Variants in AQR observed in about 807,000 individuals in gnomAD.
AQR encodes the protein RNA helicase aquarius.
Under a neutral mutation model 180.5 loss-of-function variants are expected in AQR, and 61 were observed. The ratio of observed to expected loss-of-function variants is 0.34; its 90% CI spans 0.28 to 0.42. The LOEUF (loss-of-function observed/expected upper bound fraction) is 0.42. AQR is among the 10% of genes least tolerant of loss of function. The pLI, the probability that AQR is intolerant of heterozygous loss-of-function variation, is 1.00. For missense variants in AQR, 1,281 were observed against 1,798.3 expected (o/e 0.71, Z 5.20); for synonymous variants, 551 against 588.8 (o/e 0.94, Z 0.93).
chr15:34,864,913 T>C (rs1892720747), intron 32 of AQR, among the ~76,000 whole-genome samples: 2 of 152,176 alleles, frequency 1.3e-5, no homozygotes, highest in Admixed American at 6.5e-5. Flanking sequence ...GACCCTAAAG[T>C]CCACAAGGGC....
intron 5 of AQR, among the ~76,000 whole-genome samples, chr15:34,947,551 A>T (rs1201255382): frequency 1.4e-5 from 2 of 147,336 alleles, no homozygotes; most frequent in Admixed American, 1.3e-4. Context: ...ATAAATAAAA[A>T]TAAAAATAAG....
rs568841982 is a variant in AQR, at chr15:34,887,416, T to G, written c.2682-755A>C. On this transcript the variant is annotated intron_variant, in intron 24 of 34. Transcript: ENST00000156471. ...TAAAAGTAGATTAGATCTAAAGGCT[T>G]TGAAAAGTAATTTTTAAATGTTTTT... is the stretch of plus-strand genomic sequence containing the variant. Among the ~76,000 whole-genome samples the G allele has an allele frequency of 2.0e-5, 3 of 152,326 alleles. No individual in the cohort carries two copies. The East Asian group carries it at 5.8e-4, about 29-fold the overall frequency.
intron 5 of AQR, among the ~76,000 whole-genome samples, chr15:34,946,894 T>G (rs2140500450): frequency 2.2e-5 from 3 of 136,440 alleles, no homozygotes; most frequent in African/African-American, 5.7e-5. Flanking sequence ...GTGGGGGGGG[T>G]CAGCCCCCCG....
chr15:34,931,791 G>A (rs981995599), intron 11 of AQR, among the ~76,000 whole-genome samples: 9 of 152,154 alleles, frequency 5.9e-5, no homozygotes, highest in African/African-American at 2.2e-4. Flanking sequence ...TCCAGCCCGG[G>A]TGACAGAGCG....
chr15:34,880,168 T>TC (rs1435635944), intron 27 of AQR, among the ~76,000 whole-genome samples: 2 of 152,196 alleles, frequency 1.3e-5, no homozygotes, highest in Non-Finnish European at 2.9e-5. Context: ...AAAAATTATT[T>TC]CCAATCTAGA....
intron 34 of AQR, among the ~76,000 whole-genome samples, chr15:34,857,814 C>T (rs995538819): frequency 6.6e-6 from 1 of 152,052 alleles, no homozygotes; most frequent in African/African-American, 2.4e-5. Context: ...GGCCTTAAGG[C>T]AAAGCCATGG....
chr15:34,914,230 A>G (rs1292253486), intron 16 of AQR, among the ~76,000 whole-genome samples: 1 of 152,228 alleles, frequency 6.6e-6, no homozygotes. Flanking sequence ...TACATCCATC[A>G]ATTTCATACT....
chr15:34,898,196 AG>A (rs1893277432), intron 20 of AQR, among the ~76,000 whole-genome samples: 1 of 152,198 alleles, frequency 6.6e-6, no homozygotes, highest in Non-Finnish European at 1.5e-5. Context: ...TTGTTATGAC[AG>A]GAACCTTATA....
In AQR at chr15:34,948,370, T is replaced by C. The variant is rs1220850334; in HGVS notation, c.224A>G (p.Asn75Ser). The C allele has an allele frequency of 1.2e-6, 2 of 1,612,628 alleles. No individual in the cohort carries two copies. Among genetic ancestry groups the C allele is most frequent in the Non-Finnish European group, 1.7e-6 (2 of 1,179,870 alleles). The change falls in exon 5 of 35, where the codon AAT becomes AGT. Residue 75 changes from asparagine (N) to serine (S), a missense_variant. Asn to Ser is a conservative substitution (Grantham distance 46). Around this residue, in one of 9 missense-constraint regions of AQR, gnomAD observed 404 missense variants for 490.9 expected, o/e 0.82. Transcript: ENST00000156471. ...AGGAGAATAATTCATCCAGAGATAA[T>C]TTTCAAGATACTGGCTGTAAAGAGT... ...MLLEFSQYLE[N>S]YLWMNYSPEV...
chr15:34,938,694 T>C, intron 9 of AQR, 43 bp downstream of exon 9: 3 of 1,218,296 alleles, frequency 2.5e-6, no homozygotes, highest in Non-Finnish European at 3.6e-6. Flanking sequence ...TAGGGGCAGC[T>C]ATATGATAAT....
At chr15:34,960,893 T>C in intron 2 of AQR, 79 bp from the exon 3 acceptor site, 1 of 518,054 alleles carries the variant, frequency 1.9e-6, no homozygotes, top group Middle Eastern at 4.4e-4. Context: ...ATGAGTGAGA[T>C]TATATAAAAT....
chr15:34,900,224 C>T (rs373678717), intron 20 of AQR, among the ~76,000 whole-genome samples: 28 of 151,992 alleles, frequency 1.8e-4, no homozygotes, highest in Admixed American at 1.0e-3. Flanking sequence ...TGTGAAAGCA[C>T]GCAAAGTTAA....
intron 15 of AQR, among the ~76,000 whole-genome samples, chr15:34,916,426 T>C (rs1043450125): frequency 4.5e-5 from 6 of 131,980 alleles, no homozygotes; most frequent in Admixed American, 8.0e-5. Flanking sequence ...AGTCTCATCA[T>C]TGTTGTCCAT....
At chr15:34,872,423 A>C (rs1892832323) in intron 30 of AQR, among the ~76,000 whole-genome samples, 2 of 152,144 alleles carry the variant, frequency 1.3e-5, no homozygotes, top group Non-Finnish European at 2.9e-5. Flanking sequence ...GTTAGGCTTA[A>C]TGAATAAGAA....
intron 10 of AQR, among the ~76,000 whole-genome samples, chr15:34,933,705 T>C (rs1033718103): frequency 6.6e-6 from 1 of 152,194 alleles, no homozygotes; most frequent in Non-Finnish European, 1.5e-5. Context: ...CAACAGCCCA[T>C]GATAGATGAG....
chr15:34,876,964 T>G (rs936970565), intron 27 of AQR, among the ~76,000 whole-genome samples: 1 of 152,204 alleles, frequency 6.6e-6, no homozygotes, highest in African/African-American at 2.4e-5. Flanking sequence ...AATCTAAAAC[T>G]GATCTCAAAG....
chr15:34,944,171 T>C, intron 6 of AQR, 117 bp downstream of exon 6: 1 of 967,042 alleles, frequency 1.0e-6, no homozygotes, highest in African/African-American at 1.7e-5. Flanking sequence ...TTTAGCATTA[T>C]CCTTATTGCC....
At chr15:34,895,876 A>T (rs1893236358) in intron 22 of AQR, among the ~76,000 whole-genome samples, 1 of 152,140 alleles carries the variant, frequency 6.6e-6, no homozygotes, top group South Asian at 2.1e-4. Context: ...TTATAGCACA[A>T]CCTACTCCAG....
chr15:34,935,930 A>G (rs987946690), intron 9 of AQR, among the ~76,000 whole-genome samples: 2 of 152,268 alleles, frequency 1.3e-5, no homozygotes, highest in Non-Finnish European at 2.9e-5. Flanking sequence ...CCAAACTAAA[A>G]GAGTGAGCAA....
Sources: allele counts gnomAD v4.1 joint callset (sites outside exome capture counted in the v4.1 genomes callset), GRCh38; gene constraint gnomAD v4.1.1; regional missense constraint gnomAD v4.1.1; transcripts MANE v1.5; gene names NCBI Gene and HGNC (gene_info 2026-07-23, HGNC 2026-07-21).